Variants in NREP observed in about 807,000 individuals in gnomAD.
NREP encodes the protein neuronal regeneration-related protein.
NREP carries 5 observed loss-of-function variants against 8.6 expected under a neutral mutation model. That is an observed-to-expected ratio of 0.58 (90% CI 0.30 to 1.22). NREP has a LOEUF of 1.22. Among genes scored for constraint, NREP ranks in the 50% most tolerant of loss-of-function variants. NREP has a pLI of 0.07. For missense variants in NREP, 86 were observed against 82.5 expected (o/e 1.04, Z -0.17); for synonymous variants, 27 against 28.0 (o/e 0.96, Z 0.11).
chr5:111,757,508 C>A (rs968665741), upstream of NREP: 1 of 984,880 alleles, frequency 1.0e-6, no homozygotes, highest in African/African-American at 1.7e-5. Flanking sequence ...GGCGCGGAGC[C>A]AGCGCCCCAG....
intron 2 of NREP, among the ~76,000 whole-genome samples, chr5:111,890,266 C>T (rs1561713081): frequency 6.6e-6 from 1 of 152,018 alleles, no homozygotes; most frequent in Non-Finnish European, 1.5e-5. Flanking sequence ...CCAGGGCACA[C>T]TGTTGTAAGG....
chr5:111,818,971 A>G (rs981167050), intron 2 of NREP, among the ~76,000 whole-genome samples: 7 of 152,186 alleles, frequency 4.6e-5, no homozygotes, highest in Non-Finnish European at 8.8e-5. Flanking sequence ...GATTCCCATT[A>G]TTTATGGTAG....
chr5:111,913,129 T>A (rs1003088399), intron 2 of NREP, among the ~76,000 whole-genome samples: 1 of 151,970 alleles, frequency 6.6e-6, no homozygotes, highest in Admixed American at 6.6e-5. Flanking sequence ...AGTGTTAGTA[T>A]CCATTTTTTA....
chr5:111,924,005 A>G (rs917358389), intron 2 of NREP, among the ~76,000 whole-genome samples: 1 of 152,170 alleles, frequency 6.6e-6, no homozygotes, highest in Admixed American at 6.5e-5. Flanking sequence ...CCAGGTATCC[A>G]TAGCCTGCAA....
intron 2 of NREP, among the ~76,000 whole-genome samples, chr5:111,780,716 G>A (rs1227047228): frequency 6.6e-6 from 1 of 152,112 alleles, no homozygotes. Flanking sequence ...GAAAAAGCAG[G>A]AGCTAATAGT....
intron 2 of NREP, among the ~76,000 whole-genome samples, chr5:111,971,057 C>T (rs1016539873): frequency 6.6e-6 from 1 of 152,010 alleles, no homozygotes; most frequent in African/African-American, 2.4e-5. Flanking sequence ...GTTCCCCTTC[C>T]CCTAGTCCGG....
At chr5:111,815,176 C>G (rs1209093076) in intron 2 of NREP, among the ~76,000 whole-genome samples, 1 of 152,124 alleles carries the variant, frequency 6.6e-6, no homozygotes, top group Non-Finnish European at 1.5e-5. Context: ...TAAAAGAGGA[C>G]TTTCTGCCCT....
chr5:111,827,007 G>A (rs1240272994), intron 2 of NREP, among the ~76,000 whole-genome samples: 1 of 152,180 alleles, frequency 6.6e-6, no homozygotes, highest in East Asian at 1.9e-4. Context: ...GTATCCTTAT[G>A]CACTGGGGTA....
intron 2 of NREP, among the ~76,000 whole-genome samples, chr5:111,888,453 T>C (rs1754316308): frequency 6.6e-6 from 1 of 152,074 alleles, no homozygotes; most frequent in African/African-American, 2.4e-5. Flanking sequence ...GGGAAGCCCC[T>C]TATAAAACCA....
intron 2 of NREP, among the ~76,000 whole-genome samples, chr5:111,879,099 C>G (rs1753982834): frequency 6.6e-6 from 1 of 152,156 alleles, no homozygotes; most frequent in Non-Finnish European, 1.5e-5. Flanking sequence ...CACTTGAAAG[C>G]TGGTTGTTTA....
At chr5:111,900,462 G>T (rs1754620345) in intron 2 of NREP, among the ~76,000 whole-genome samples, 1 of 151,422 alleles carries the variant, frequency 6.6e-6, no homozygotes, top group South Asian at 2.1e-4. Flanking sequence ...AAATACAAAG[G>T]ATCAAGAAAA....
intron 2 of NREP, among the ~76,000 whole-genome samples, chr5:111,944,990 A>G (rs1056863615): frequency 1.3e-5 from 2 of 151,982 alleles, no homozygotes; most frequent in African/African-American, 2.4e-5. Flanking sequence ...ATTTCTACCT[A>G]TGCTTCCCTT....
At chr5:111,859,423 G>GA (rs1321618637) in intron 2 of NREP, among the ~76,000 whole-genome samples, 1 of 152,114 alleles carries the variant, frequency 6.6e-6, no homozygotes, top group African/African-American at 2.4e-5. Flanking sequence ...TTTTGCCAAG[G>GA]AAAAAAGTCA....
chr5:111,947,081 C>T (rs1212489501), intron 2 of NREP, among the ~76,000 whole-genome samples: 1 of 151,994 alleles, frequency 6.6e-6, no homozygotes, highest in Non-Finnish European at 1.5e-5. Context: ...TTTTCACGTT[C>T]TTAACAAAAA....
chr5:111,791,317 T>C (rs771563150), intron 2 of NREP, among the ~76,000 whole-genome samples: 78 of 152,204 alleles, frequency 5.1e-4, no homozygotes, highest in Non-Finnish European at 6.6e-4. Context: ...CTTGAACTTA[T>C]TCCTCCTAAT....
At chr5:111,787,345 C>T (rs1226801923) in intron 2 of NREP, among the ~76,000 whole-genome samples, 2 of 152,136 alleles carry the variant, frequency 1.3e-5, no homozygotes, top group African/African-American at 2.4e-5. Flanking sequence ...ATAATTCTTC[C>T]TTCCAATTGT....
intron 2 of NREP, among the ~76,000 whole-genome samples, chr5:111,872,827 G>A (rs906270391): frequency 6.6e-6 from 1 of 152,156 alleles, no homozygotes; most frequent in Non-Finnish European, 1.5e-5. Context: ...AGAGGAAGTA[G>A]TTAGCCCTAA....
chr5:111,917,643 C>T (rs962456703), intron 2 of NREP, among the ~76,000 whole-genome samples: 3 of 152,084 alleles, frequency 2.0e-5, no homozygotes, highest in African/African-American at 4.8e-5. Flanking sequence ...AAAAGGCCTT[C>T]GATAAAATCC....
chr5:111,763,754 ATG>A (rs3067515), intron 2 of NREP, among the ~76,000 whole-genome samples: 43 of 146,366 alleles, frequency 2.9e-4, no homozygotes, highest in East Asian at 7.8e-4. Flanking sequence ...GTACGTCTGT[ATG>A]TGTGTGTGTG....
Sources: gnomAD v4.1 joint callset for allele counts (sites outside exome capture counted in the v4.1 genomes callset) on GRCh38, gnomAD v4.1.1 for gene constraint, MANE v1.5 for transcripts, NCBI Gene and HGNC (gene_info 2026-07-23, HGNC 2026-07-21) for gene names.